Variants in DLG2 observed in about 807,000 individuals in gnomAD.
DLG2 encodes disks large homolog 2.
In DLG2, 45 loss-of-function variants were observed where a neutral mutation model predicts 132.5. The observed-to-expected ratio is 0.34, with a 90% CI of 0.27 to 0.44. The LOEUF is 0.44. Among genes scored for constraint, DLG2 ranks in the 20% least tolerant of loss-of-function variants. DLG2 has a pLI of 1.00. For synonymous variants in DLG2, 424 were observed against 419.6 expected (o/e 1.01, Z -0.13); for missense variants, 1,045 against 1,196.9 (o/e 0.87, Z 1.87).
chr11:84,867,865 G>T (rs967078512), intron 6 of DLG2, among the ~76,000 whole-genome samples: 2 of 152,102 alleles, frequency 1.3e-5, no homozygotes, highest in African/African-American at 4.8e-5. Context: ...ACGAAGTCAG[G>T]AGATGGAGAC....
intron 4 of DLG2, among the ~76,000 whole-genome samples, chr11:85,223,472 A>T (rs191184929): frequency 3.6e-4 from 55 of 152,000 alleles, no homozygotes; most frequent in African/African-American, 1.3e-3. Flanking sequence ...CATCTCTATT[A>T]AAAAAAATTT....
At chr11:84,570,158 C>A (rs564367782) in intron 6 of DLG2, among the ~76,000 whole-genome samples, 19 of 152,226 alleles carry the variant, frequency 1.2e-4, no homozygotes, top group Middle Eastern at 6.8e-3. Context: ...AGAACTAGTC[C>A]CTACATAACT....
chr11:83,736,452 A>T (rs2091908980), intron 18 of DLG2, among the ~76,000 whole-genome samples: 1 of 150,714 alleles, frequency 6.6e-6, no homozygotes, highest in African/African-American at 2.5e-5. Context: ...CAAAAAAAAA[A>T]GAGAAAGATA....
At chr11:84,450,101 T>A (rs1020612212) in intron 7 of DLG2, among the ~76,000 whole-genome samples, 1 of 151,896 alleles carries the variant, frequency 6.6e-6, no homozygotes, top group African/African-American at 2.4e-5. Context: ...AAACTAAATT[T>A]CAGAGGAATT....
chr11:83,508,245 CTTTT>C (rs761737091), intron 21 of DLG2, among the ~76,000 whole-genome samples: 1 of 140,440 alleles, frequency 7.1e-6, no homozygotes, highest in Non-Finnish European at 1.6e-5. Context: ...GAATATACAT[CTTTT>C]TTTTTTTTTT....
At chr11:85,579,508 T>C (rs1235324819) in intron 3 of DLG2, among the ~76,000 whole-genome samples, 2 of 152,172 alleles carry the variant, frequency 1.3e-5, no homozygotes, top group Admixed American at 6.5e-5. Flanking sequence ...CGATCAGGTA[T>C]GTCAAATGCT....
intron 6 of DLG2, among the ~76,000 whole-genome samples, chr11:84,972,098 ACACT>A (rs894955390): frequency 1.8e-4 from 28 of 152,216 alleles, no homozygotes; most frequent in Middle Eastern, 3.4e-3. Context: ...CAACACACAC[ACACT>A]GTTTTAAATT....
intron 21 of DLG2, among the ~76,000 whole-genome samples, chr11:83,512,793 T>C (rs550427466): frequency 6.6e-6 from 1 of 152,270 alleles, no homozygotes; most frequent in Admixed American, 6.5e-5. Context: ...TTTGGTTTTT[T>C]GTCCTTGCGA....
intron 6 of DLG2, among the ~76,000 whole-genome samples, chr11:84,729,627 T>C (rs578219833): frequency 4.6e-5 from 7 of 152,196 alleles, no homozygotes; most frequent in African/African-American, 1.7e-4. Context: ...TCCCCAAGTA[T>C]AGACTACTTT....
chr11:84,320,310 A>G (rs1186165359), intron 7 of DLG2, among the ~76,000 whole-genome samples: 4 of 152,228 alleles, frequency 2.6e-5, no homozygotes, highest in African/African-American at 9.6e-5. Context: ...ATGGATAAAT[A>G]TATTGTACTG....
At position 85,022,392 on chromosome 11, in the gene DLG2, C is replaced by A. The variant is rs116879754; in HGVS notation, c.357+89269G>T. On this transcript the variant is annotated intron_variant, in intron 6 of 27. Coordinates refer to ENST00000376104, the MANE Select transcript of DLG2 (RefSeq NM_001142699.3). ...GAAGACAAAAATAATATATACTTTG[C>A]GACTAAGGAAAATAATATAACCACA... Among the ~76,000 whole-genome samples the A allele has an allele frequency of 5.9e-4, 89 of 151,868 alleles. 1 individual carries two copies. The East Asian group carries it at 0.016, about 27-fold the overall frequency.
intron 4 of DLG2, among the ~76,000 whole-genome samples, chr11:85,184,323 AT>A (rs906049651): frequency 4.7e-5 from 7 of 150,474 alleles, no homozygotes; most frequent in Admixed American, 1.3e-4. Flanking sequence ...AAACAAGGGG[AT>A]TTTTTTTTAT....
Position 83,874,479 on chromosome 11 carries a change from T to A in DLG2, c.1506A>T (p.Gln502His). ...AAGGCTGACGAGTTGCGGTGCTATGTTGGGAATGACTGCAAGAAAAGACAG... is the reference window on the plus strand; with the variant it reads ...AAGGCTGACGAGTTGCGGTGCTATGATGGGAATGACTGCAAGAAAAGACAG... ...LPDSEMTSHS[Q>H]HSTATRQPSM... Residue 502 changes from glutamine to histidine, a missense_variant, in exon 16 of 28, where the codon CAA becomes CAT. Transcript: ENST00000376104. The A allele has an allele frequency of 1.3e-6, 2 of 1,596,916 alleles. No homozygotes were observed. Among genetic ancestry groups the A allele is most frequent in the Non-Finnish European group, 1.7e-6 (2 of 1,169,906 alleles).
intron 6 of DLG2, among the ~76,000 whole-genome samples, chr11:84,880,603 A>G (rs1003326343): frequency 2.0e-5 from 3 of 152,182 alleles, no homozygotes; most frequent in African/African-American, 7.2e-5. Flanking sequence ...ACAAATAAGC[A>G]GTATGATAAT....
rs1595215366 is a variant in DLG2 at position 85,190,369 on chromosome 11, GA to G, written c.187-35719del. Among the ~76,000 whole-genome samples, 3 of 152,054 alleles carry G rather than the reference GA, an allele frequency of 2.0e-5. No homozygotes were observed. The East Asian group carries it at 5.8e-4, about 29-fold the overall frequency. On this transcript the variant is annotated intron_variant, in intron 4 of 27. Transcript: ENST00000376104. ...TGGAAGACAACTACAGATGTGTTAA[GA>G]GGAAAGTTTACAGCAGTGAACACCT...
At chr11:83,919,015 T>A (rs1045010688) in intron 15 of DLG2, among the ~76,000 whole-genome samples, 1 of 151,922 alleles carries the variant, frequency 6.6e-6, no homozygotes, top group African/African-American at 2.4e-5. Context: ...GTGACAAAGG[T>A]GAGAAGAGTA....
intron 6 of DLG2, among the ~76,000 whole-genome samples, chr11:84,871,569 G>T (rs2085463128): frequency 6.6e-6 from 1 of 151,982 alleles, no homozygotes; most frequent in Non-Finnish European, 1.5e-5. Context: ...CTCTTAAGTA[G>T]ACATTAAAAG....
At chr11:84,621,242 G>T (rs2099613379) in intron 6 of DLG2, among the ~76,000 whole-genome samples, 1 of 152,012 alleles carries the variant, frequency 6.6e-6, no homozygotes, top group African/African-American at 2.4e-5. Context: ...ATATAACAGA[G>T]TAAAAACTAT....
chr11:83,537,462 CATCT>C (rs1331348491), intron 20 of DLG2, among the ~76,000 whole-genome samples: 1 of 152,112 alleles, frequency 6.6e-6, no homozygotes, highest in Non-Finnish European at 1.5e-5. Flanking sequence ...CATATGCTGC[CATCT>C]GAGAGCCCAA....
Sources: gnomAD v4.1 joint callset for allele counts (sites outside exome capture counted in the v4.1 genomes callset) on GRCh38, gnomAD v4.1.1 for gene constraint, MANE v1.5 for transcripts, NCBI Gene and HGNC (gene_info 2026-07-23, HGNC 2026-07-21) for gene names.